SPECC1: variants seen among roughly 807,000 people sequenced by gnomAD.
SPECC1 encodes cytospin-B.
Under a neutral mutation model 104.1 loss-of-function variants are expected in SPECC1, and 62 were observed. The ratio of observed to expected loss-of-function variants is 0.60; its 90% CI spans 0.49 to 0.74. SPECC1 has a LOEUF of 0.74. SPECC1 is among the 30% of genes least tolerant of loss of function. The pLI is 0.00. For synonymous variants in SPECC1, 513 were observed against 501.6 expected, an observed-to-expected ratio of 1.02 and a Z score of -0.30; for missense variants, 1,306 against 1,310.5, an observed-to-expected ratio of 1.00 and a Z score of 0.05.
At chr17:20,268,610 C>T (rs1045189916) in intron 12 of SPECC1, among the ~76,000 whole-genome samples, 1 of 152,186 alleles carries the variant, frequency 6.6e-6, no homozygotes, top group African/African-American at 2.4e-5. Context: ...AGCAGATGCG[C>T]GGCACTGTGG....
chr17:20,034,682 C>T (rs1195094769), intron 1 of SPECC1, among the ~76,000 whole-genome samples: 5 of 150,174 alleles, frequency 3.3e-5, no homozygotes, highest in African/African-American at 7.4e-5. Context: ...CTTGGCTCAC[C>T]GCAACCTCTG....
intron 3 of SPECC1, chr17:20,156,024 A>G (rs1240517748): frequency 7.8e-7 from 1 of 1,285,610 alleles, no homozygotes; most frequent in Non-Finnish European, 9.8e-7. Context: ...CGGGCGCGGG[A>G]GAGCAGCGGC....
At chr17:20,265,572 G>A (rs1287130086) in intron 12 of SPECC1, among the ~76,000 whole-genome samples, 4 of 152,106 alleles carry the variant, frequency 2.6e-5, no homozygotes, top group Non-Finnish European at 5.9e-5. Context: ...AGCTTCTTTT[G>A]CTGTGAAGGA....
intron 7 of SPECC1, among the ~76,000 whole-genome samples, chr17:20,245,718 C>G (rs1440550095): frequency 6.6e-6 from 1 of 152,104 alleles, no homozygotes; most frequent in African/African-American, 2.4e-5. Flanking sequence ...TGACCATTTC[C>G]CAAGAAAACA....
intron 1 of SPECC1, among the ~76,000 whole-genome samples, chr17:20,043,782 G>A (rs1467453271): frequency 1.3e-5 from 2 of 152,144 alleles, no homozygotes; most frequent in South Asian, 2.1e-4. Context: ...AAATTTCCAA[G>A]GGAGAAGAGT....
At chr17:20,190,490 ACT>A (rs1257078558) in intron 3 of SPECC1, among the ~76,000 whole-genome samples, 2 of 151,648 alleles carry the variant, frequency 1.3e-5, no homozygotes, top group African/African-American at 4.8e-5. Flanking sequence ...AAAAATAAAC[ACT>A]CTTTTTTAAA....
intron 3 of SPECC1, among the ~76,000 whole-genome samples, chr17:20,162,620 C>G (rs184994696): frequency 9.4e-4 from 143 of 152,334 alleles, no homozygotes; most frequent in Middle Eastern, 3.4e-3. Flanking sequence ...TCTTAACCCT[C>G]CAACATAATA....
intron 10 of SPECC1, among the ~76,000 whole-genome samples, chr17:20,256,975 A>G (rs1203078796): frequency 6.6e-6 from 1 of 152,252 alleles, no homozygotes; most frequent in Non-Finnish European, 1.5e-5. Flanking sequence ...TTGTTTAGCA[A>G]GCCAGGCCCT....
At position 20,080,899 on chromosome 17, in the gene SPECC1, G is replaced by A. The variant is rs909362582; in HGVS notation, c.-21-15732G>A. The stretch of plus-strand genomic sequence containing the variant: ...AGTGCAGGGGGGGGTGGTCACTGGG[G>A]CCCTCCTGTGGTCCTTCTTGCCGGC... On this transcript the variant is annotated intron_variant, in intron 1 of 14. Transcript: ENST00000395527. 1.4e-4 allele frequency among the ~76,000 whole-genome samples: 22 copies of A among 152,172 alleles called. No homozygotes were observed. The East Asian group carries it at 4.3e-3, about 29-fold the overall frequency.
At chr17:20,056,000 A>G (rs2045950604) in intron 1 of SPECC1, among the ~76,000 whole-genome samples, 1 of 152,226 alleles carries the variant, frequency 6.6e-6, no homozygotes, top group South Asian at 2.1e-4. Context: ...CACTCTGGGA[A>G]GAACCAATGA....
At chr17:20,282,412 T>C (rs2040804109) in intron 12 of SPECC1, among the ~76,000 whole-genome samples, 1 of 152,210 alleles carries the variant, frequency 6.6e-6, no homozygotes, top group Admixed American at 6.5e-5. Context: ...CCCTCGGTGC[T>C]TTCAGTGTGG....
intron 4 of SPECC1, among the ~76,000 whole-genome samples, chr17:20,215,789 A>G (rs2037448963): frequency 6.6e-6 from 1 of 152,232 alleles, no homozygotes; most frequent in Non-Finnish European, 1.5e-5. Context: ...TGGGTAATCT[A>G]TAAACCTAAT....
intron 3 of SPECC1, chr17:20,112,715 T>A: frequency 1.7e-6 from 2 of 1,155,660 alleles, no homozygotes; most frequent in Non-Finnish European, 1.3e-6. Flanking sequence ...TGAGGATCCT[T>A]CCGGTCTTAA....
intron 3 of SPECC1, among the ~76,000 whole-genome samples, chr17:20,110,928 G>A (rs772092613): frequency 1.3e-5 from 2 of 152,048 alleles, no homozygotes; most frequent in African/African-American, 2.4e-5. Context: ...GATCCCTTGC[G>A]AAGGTGGGTG....
intron 12 of SPECC1, among the ~76,000 whole-genome samples, chr17:20,270,881 G>T (rs1196791608): frequency 6.6e-6 from 1 of 151,970 alleles, no homozygotes; most frequent in Non-Finnish European, 1.5e-5. Flanking sequence ...CTACTCTTTT[G>T]ATCTTTTTCA....
At chr17:20,255,426 G>A (rs1185099424) in intron 10 of SPECC1, among the ~76,000 whole-genome samples, 1 of 152,170 alleles carries the variant, frequency 6.6e-6, no homozygotes, top group Non-Finnish European at 1.5e-5. Flanking sequence ...TGGGGTTTTT[G>A]AAAAATTGTG....
At chr17:20,040,582 AT>A (rs1194539809) in intron 1 of SPECC1, among the ~76,000 whole-genome samples, 1 of 152,040 alleles carries the variant, frequency 6.6e-6, no homozygotes, top group Non-Finnish European at 1.5e-5. Flanking sequence ...CTTGAAGGAT[AT>A]TTTTACTGAA....
At chr17:20,147,002 T>C (rs2031529464) in intron 3 of SPECC1, among the ~76,000 whole-genome samples, 1 of 152,138 alleles carries the variant, frequency 6.6e-6, no homozygotes, top group African/African-American at 2.4e-5. Flanking sequence ...TCTGTTGTTC[T>C]ACATCCTTGC....
In SPECC1 at chr17:20,251,224, C is replaced by CAAAAAAAAAAAAA. The variant is rs58071050; in HGVS notation, c.2599-2276_2599-2264dup. On this transcript the variant is annotated intron_variant, in intron 9 of 14. Transcript: ENST00000395527. The stretch of plus-strand genomic sequence containing the variant: ...TGGGCGACAGAGTAAGACTCTATCT[C>CAAAAAAAAAAAAA]AAAAAAAAAAAAAAAAAGCATATGG... Among the ~76,000 whole-genome samples, 89 of 51,000 alleles carry CAAAAAAAAAAAAA rather than the reference C, an allele frequency of 1.7e-3. 14 individuals carry two copies. Among genetic ancestry groups the CAAAAAAAAAAAAA allele is most frequent in the African/African-American group, 6.2e-3 (65 of 10,500 alleles). 33.5% of individuals were successfully genotyped at this position (51,000 alleles called of 152,430 possible). A position where few individuals can be genotyped will look rare whatever the true frequency, so the allele number is the denominator to read the frequency against.
Sources: gnomAD v4.1 joint callset for allele counts (sites outside exome capture counted in the v4.1 genomes callset) on GRCh38, gnomAD v4.1.1 for gene constraint, MANE v1.5 for transcripts, NCBI Gene and HGNC (gene_info 2026-07-23, HGNC 2026-07-21) for gene names.